The following IKZF3 variants were observed in gnomAD, a reference collection of about 807,000 sequenced individuals.
The protein encoded by IKZF3 is IKAROS family zinc finger 3, also known as zinc finger protein Aiolos.
IKZF3 carries 10 observed loss-of-function variants against 49.0 expected under a neutral mutation model. The observed-to-expected ratio is 0.20, with a 90% CI of 0.13 to 0.35. The LOEUF is 0.35. Among genes scored for constraint, IKZF3 ranks in the 10% least tolerant of loss-of-function variants. The probability of loss-of-function intolerance (pLI) is 1.00; values close to 1 mark genes in which losing one functional copy is unlikely to be tolerated. For synonymous variants in IKZF3, 209 were observed against 228.2 expected (o/e 0.92, Z 0.76); for missense variants, 498 against 664.8 (o/e 0.75, Z 2.76).
chr17:39,825,411 G>A (rs933532245), intron 3 of IKZF3, among the ~76,000 whole-genome samples: 1 of 152,182 alleles, frequency 6.6e-6, no homozygotes, highest in Non-Finnish European at 1.5e-5. Context: ...GCAGAAAAGA[G>A]GAATGAGGAA....
At chr17:39,771,686 G>A (rs2143638234) in intron 7 of IKZF3, among the ~76,000 whole-genome samples, 1 of 152,278 alleles carries the variant, frequency 6.6e-6, no homozygotes, top group East Asian at 1.9e-4. Flanking sequence ...TGCAGAGGGA[G>A]GATGGAGCAG....
At chr17:39,803,791 G>A (rs2061375372) in intron 3 of IKZF3, among the ~76,000 whole-genome samples, 3 of 152,090 alleles carry the variant, frequency 2.0e-5, no homozygotes, top group Middle Eastern at 3.2e-3. Flanking sequence ...AGGATTACAG[G>A]CGTGAGCCAC....
intron 5 of IKZF3, among the ~76,000 whole-genome samples, chr17:39,790,671 T>C (rs2060995479): frequency 6.6e-6 from 1 of 152,142 alleles, no homozygotes; most frequent in African/African-American, 2.4e-5. Context: ...GAAAAAAAAG[T>C]ATTATCTTGG....
intron 1 of IKZF3, chr17:39,835,623 G>A (rs1160350542): frequency 6.9e-6 from 3 of 437,674 alleles, no homozygotes; most frequent in African/African-American, 2.0e-5. Context: ...CTCGACCTCA[G>A]CAATGATGCC....
At chr17:39,850,016 G>GGTGT (rs1016784737) in intron 1 of IKZF3, among the ~76,000 whole-genome samples, 3 of 133,942 alleles carry the variant, frequency 2.2e-5, no homozygotes, top group Admixed American at 7.8e-5. Context: ...TATTCCTGGG[G>GGTGT]GTGTGTGTGT....
At chr17:39,815,457 A>T (rs1487523958) in intron 3 of IKZF3, among the ~76,000 whole-genome samples, 1 of 152,196 alleles carries the variant, frequency 6.6e-6, no homozygotes, top group Non-Finnish European at 1.5e-5. Flanking sequence ...TCTAGCCTTG[A>T]TACTCAGAGG....
At chr17:39,825,182 A>G (rs1035579572) in intron 3 of IKZF3, among the ~76,000 whole-genome samples, 1 of 152,234 alleles carries the variant, frequency 6.6e-6, no homozygotes, top group African/African-American at 2.4e-5. Flanking sequence ...TCTTCATAGC[A>G]GCATGAGAAC....
chr17:39,801,596 A>G (rs1430220771), intron 3 of IKZF3, among the ~76,000 whole-genome samples: 3 of 152,212 alleles, frequency 2.0e-5, no homozygotes, highest in Admixed American at 6.5e-5. Flanking sequence ...ATTAATGTCT[A>G]TACTTCTCTC....
rs141609350 is a variant in IKZF3, at chr17:39,840,471, T to C, written c.8-8320A>G. ...TCTATCATTCTTATCCGTGGAAAGG[T>C]TGGTTCAATAGGAGGTACTATTCCA... On this transcript the variant is annotated intron_variant, in intron 1 of 7. Transcript: ENST00000346872. Among the ~76,000 whole-genome samples the C allele has an allele frequency of 3.9e-5, 6 of 152,290 alleles. No individual in the cohort carries two copies. In the East Asian group the frequency reaches 9.6e-4, roughly 24 times the overall value.
At chr17:39,822,741 C>T (rs932155172) in intron 3 of IKZF3, among the ~76,000 whole-genome samples, 1 of 152,014 alleles carries the variant, frequency 6.6e-6, no homozygotes, top group Non-Finnish European at 1.5e-5. Context: ...CACCACCACG[C>T]CCAGCTAATT....
intron 3 of IKZF3, among the ~76,000 whole-genome samples, chr17:39,798,939 C>T (rs1419246247): frequency 6.6e-6 from 1 of 152,024 alleles, no homozygotes; most frequent in African/African-American, 2.4e-5. Context: ...CCTAGTCTCC[C>T]CAATAAATAT....
At chr17:39,788,052 C>T (rs964725235) in intron 6 of IKZF3, among the ~76,000 whole-genome samples, 1 of 152,216 alleles carries the variant, frequency 6.6e-6, no homozygotes, top group Non-Finnish European at 1.5e-5. Context: ...TTCCCTGATT[C>T]TCACCCTCAC....
chr17:39,790,715 A>G (rs1186144381), intron 5 of IKZF3, among the ~76,000 whole-genome samples: 1 of 148,614 alleles, frequency 6.7e-6, no homozygotes, highest in Non-Finnish European at 1.5e-5. Context: ...ACGACAGCAC[A>G]TAACTTTTAC....
intron 5 of IKZF3, among the ~76,000 whole-genome samples, chr17:39,788,720 G>C (rs1012853098): frequency 4.6e-5 from 7 of 152,058 alleles, no homozygotes; most frequent in Non-Finnish European, 7.4e-5. Context: ...AGGTTAATGT[G>C]GTATAAGCAA....
chr17:39,806,206 A>C (rs1013928826), intron 3 of IKZF3, among the ~76,000 whole-genome samples: 1 of 152,188 alleles, frequency 6.6e-6, no homozygotes, highest in African/African-American at 2.4e-5. Flanking sequence ...ACAGTAATGA[A>C]ATTAAGCAAA....
chr17:39,805,006 T>C (rs1268766217), intron 3 of IKZF3, among the ~76,000 whole-genome samples: 2 of 152,188 alleles, frequency 1.3e-5, no homozygotes, highest in Admixed American at 1.3e-4. Context: ...GTACAATCAC[T>C]TCCTGAATTT....
chr17:39,776,000 T>A (rs2060576973), intron 7 of IKZF3, among the ~76,000 whole-genome samples: 1 of 152,052 alleles, frequency 6.6e-6, no homozygotes, highest in African/African-American at 2.4e-5. Flanking sequence ...CTCCCTATGA[T>A]GTCCCTCCTC....
At chr17:39,832,239 C>A in intron 1 of IKZF3, 88 bp from the exon 2 acceptor site, 2 of 884,916 alleles carry the variant, frequency 2.3e-6, no homozygotes, top group South Asian at 1.5e-5. Context: ...GATACCATTT[C>A]GGAAAACTTA....
intron 1 of IKZF3, among the ~76,000 whole-genome samples, chr17:39,855,396 A>G (rs2063008482): frequency 6.6e-6 from 1 of 152,188 alleles, no homozygotes; most frequent in Non-Finnish European, 1.5e-5. Context: ...TGAATTCCTA[A>G]TATCAACTTG....
Sources: gnomAD v4.1 joint callset for allele counts (sites outside exome capture counted in the v4.1 genomes callset) on GRCh38, gnomAD v4.1.1 for gene constraint, MANE v1.5 for transcripts, NCBI Gene and HGNC (gene_info 2026-07-23, HGNC 2026-07-21) for gene names.